RAD51B: variants seen among roughly 807,000 people sequenced by gnomAD.
RAD51B encodes DNA repair protein RAD51 homolog 2.
A neutral mutation model predicts 42.2 loss-of-function variants in RAD51B; 38 were observed. The ratio of observed to expected loss-of-function variants is 0.90; its 90% CI spans 0.70 to 1.18. The LOEUF is 1.18. RAD51B is among the 50% of genes most tolerant of loss of function. RAD51B has a pLI of 0.00. For missense variants in RAD51B, 373 were observed against 400.7 expected, an observed-to-expected ratio of 0.93 and a Z score of 0.59; for synonymous variants, 154 against 145.2, an observed-to-expected ratio of 1.06 and a Z score of -0.43.
chr14:68,389,039 A>G (rs1367303310), intron 8 of RAD51B, among the ~76,000 whole-genome samples: 1 of 152,190 alleles, frequency 6.6e-6, no homozygotes, highest in East Asian at 1.9e-4. Flanking sequence ...CCCGTCCCCA[A>G]AAAGAGTCCT....
At chr14:68,169,416 C>A (rs2078821778) in intron 7 of RAD51B, among the ~76,000 whole-genome samples, 1 of 152,164 alleles carries the variant, frequency 6.6e-6, no homozygotes, top group African/African-American at 2.4e-5. Context: ...CCTTCTTAGT[C>A]TATTATTGGT....
intron 7 of RAD51B, among the ~76,000 whole-genome samples, chr14:68,026,288 A>G (rs753224538): frequency 6.6e-6 from 1 of 152,140 alleles, no homozygotes; most frequent in Non-Finnish European, 1.5e-5. Flanking sequence ...CTTAGAATGT[A>G]TTCCATGTGG....
chr14:68,423,574 C>T (rs1413936093), intron 9 of RAD51B, among the ~76,000 whole-genome samples: 2 of 152,148 alleles, frequency 1.3e-5, no homozygotes, highest in African/African-American at 2.4e-5. Flanking sequence ...TTTCCTTTGC[C>T]TCTCCCTCCC....
At chr14:68,060,388 C>T (rs1045019499) in intron 7 of RAD51B, among the ~76,000 whole-genome samples, 1 of 152,172 alleles carries the variant, frequency 6.6e-6, no homozygotes, top group Non-Finnish European at 1.5e-5. Context: ...ATATGTGAGC[C>T]TCTCTCTTGC....
intron 10 of RAD51B, among the ~76,000 whole-genome samples, chr14:68,552,088 C>A (rs28377700): frequency 0.22 from 32,719 of 152,104 alleles, 3,955 homozygotes; most frequent in Middle Eastern, 0.35. Context: ...ATTTTACATC[C>A]ACATCTAGAT....
intron 7 of RAD51B, among the ~76,000 whole-genome samples, chr14:68,216,464 A>G (rs1324531392): frequency 2.0e-5 from 3 of 152,310 alleles, no homozygotes; most frequent in Admixed American, 6.5e-5. Context: ...AGGACATGTG[A>G]TAACTTTCCT....
chr14:68,040,287 A>T (rs961016999), intron 7 of RAD51B, among the ~76,000 whole-genome samples: 4 of 152,192 alleles, frequency 2.6e-5, no homozygotes, highest in Non-Finnish European at 5.9e-5. Flanking sequence ...CCCTGGTATT[A>T]ATTGATGTTT....
At chr14:67,889,016 C>A (rs1340748871) in intron 7 of RAD51B, among the ~76,000 whole-genome samples, 1 of 151,900 alleles carries the variant, frequency 6.6e-6, no homozygotes, top group African/African-American at 2.4e-5. Context: ...TTCAGTTTTT[C>A]CTAAGGTGAT....
rs1011667591 is a variant in RAD51B at position 68,170,633 on chromosome 14, A to G, written c.757-121251A>G. On this transcript the variant is annotated intron_variant, in intron 7 of 10. Coordinates refer to ENST00000471583, the MANE Select transcript of RAD51B (RefSeq NM_133510.4). The stretch of plus-strand genomic sequence containing the variant: ...TTAAAATTTTTACATAGTTTAGCTT[A>G]TATTTTATGGTTTTTATATAGTATT... Among the ~76,000 whole-genome samples the G allele has an allele frequency of 2.0e-5, 3 of 152,112 alleles. No homozygotes were observed. The South Asian group carries it at 6.2e-4, about 32-fold the overall frequency.
chr14:68,350,021 A>C (rs1182560797), intron 8 of RAD51B, among the ~76,000 whole-genome samples: 1 of 152,210 alleles, frequency 6.6e-6, no homozygotes, highest in Non-Finnish European at 1.5e-5. Context: ...TTTGAAATCA[A>C]ATACCCTGCC....
At chr14:67,892,277 T>A (rs1322451815) in intron 7 of RAD51B, among the ~76,000 whole-genome samples, 1 of 152,202 alleles carries the variant, frequency 6.6e-6, no homozygotes, top group Non-Finnish European at 1.5e-5. Context: ...GTGAAAATAA[T>A]TCTAGAAAAA....
intron 7 of RAD51B, among the ~76,000 whole-genome samples, chr14:68,285,118 A>C (rs2081388610): frequency 6.6e-6 from 1 of 152,146 alleles, no homozygotes; most frequent in South Asian, 2.1e-4. Flanking sequence ...CATGGGGAAA[A>C]CCACTCCAGG....
rs1166491923 is a variant in RAD51B at position 68,565,747 on chromosome 14, C to T, written c.1037-28738C>T. On this transcript the variant is annotated intron_variant, in intron 10 of 10. Coordinates refer to the RAD51B transcript ENST00000487270. This position sits in a 1 kb window ranked among gnomAD's most constrained non-coding sequence, Gnocchi z 4.1. ...ACTTGCTTTCACCCTAATGTATTTT[C>T]ATGAAATACTTAACATCTTCATGTC... Among the ~76,000 whole-genome samples the T allele has an allele frequency of 6.6e-6, 1 of 152,196 alleles. No homozygotes were observed. Among genetic ancestry groups the T allele is most frequent in the African/African-American group, 2.4e-5 (1 of 41,444 alleles).
At chr14:68,020,076 A>G (rs1287964173) in intron 7 of RAD51B, among the ~76,000 whole-genome samples, 2 of 152,132 alleles carry the variant, frequency 1.3e-5, no homozygotes, top group African/African-American at 4.8e-5. Flanking sequence ...CCAGATCATA[A>G]CAAGGTGATG....
chr14:68,002,042 A>G (rs1355147715), intron 7 of RAD51B, among the ~76,000 whole-genome samples: 1 of 152,196 alleles, frequency 6.6e-6, no homozygotes, highest in East Asian at 1.9e-4. Context: ...AATGATTTAT[A>G]TTCCTTTGGG....
intron 11 of RAD51B, among the ~76,000 whole-genome samples, chr14:68,672,195 C>G (rs781420936): frequency 3.3e-5 from 5 of 152,230 alleles, no homozygotes; most frequent in Non-Finnish European, 7.3e-5. Context: ...ATCCTTCCCT[C>G]CTGTAACCCC....
intron 7 of RAD51B, among the ~76,000 whole-genome samples, chr14:67,945,141 A>T (rs1380573058): frequency 1.3e-5 from 2 of 152,200 alleles, no homozygotes; most frequent in Non-Finnish European, 2.9e-5. Flanking sequence ...TGGCTATACT[A>T]TAATGTCAAA....
chr14:68,374,407 A>G (rs1203359062), intron 8 of RAD51B, among the ~76,000 whole-genome samples: 1 of 152,246 alleles, frequency 6.6e-6, no homozygotes, highest in Non-Finnish European at 1.5e-5. Flanking sequence ...CAGTGAAGGC[A>G]TGCATGTTCC....
intron 9 of RAD51B, among the ~76,000 whole-genome samples, chr14:68,429,100 C>T (rs539174464): frequency 6.6e-6 from 1 of 152,196 alleles, no homozygotes; most frequent in South Asian, 2.1e-4. Context: ...TTTTTTATGG[C>T]TGCGTAGTAT....
Sources: allele counts gnomAD v4.1 joint callset (sites outside exome capture counted in the v4.1 genomes callset), GRCh38; gene constraint gnomAD v4.1.1; non-coding constraint Gnocchi (gnomAD v3.1); transcripts MANE v1.5; gene names NCBI Gene and HGNC (gene_info 2026-07-23, HGNC 2026-07-21).